Variants in SORBS2 observed in about 807,000 individuals in gnomAD.
The protein encoded by SORBS2 is sorbin and SH3 domain containing 2, also known as sorbin and SH3 domain-containing protein 2.
SORBS2 carries 46 observed loss-of-function variants against 97.7 expected under a neutral mutation model. The observed-to-expected ratio is 0.47, with a 90% CI of 0.37 to 0.60. The LOEUF (loss-of-function observed/expected upper bound fraction) is 0.60, where lower values mean the gene tolerates loss of function less well. Ranked by LOEUF, SORBS2 falls within the 20% of genes least tolerant of loss-of-function variation. The pLI is 0.00. For missense variants in SORBS2, 1,316 were observed against 1,282.3 expected, an observed-to-expected ratio of 1.03 and a Z score of -0.40; for synonymous variants, 476 against 473.4, an observed-to-expected ratio of 1.01 and a Z score of -0.07.
chr4:185,626,330 T>A (rs943807661), intron 6 of SORBS2, among the ~76,000 whole-genome samples: 13 of 152,260 alleles, frequency 8.5e-5, no homozygotes, highest in African/African-American at 2.9e-4. Context: ...GCCCAAAATA[T>A]ACAGCAAATG....
intron 1 of SORBS2, among the ~76,000 whole-genome samples, chr4:185,936,612 T>G (rs1176709193): frequency 2.0e-5 from 3 of 152,230 alleles, no homozygotes; most frequent in Admixed American, 6.5e-5. Flanking sequence ...AGCTGACCCT[T>G]GCCACCATTG....
intron 2 of SORBS2, among the ~76,000 whole-genome samples, chr4:185,707,302 T>A (rs2098358857): frequency 6.6e-6 from 1 of 152,164 alleles, no homozygotes; most frequent in Non-Finnish European, 1.5e-5. Context: ...GCAGTTTGGC[T>A]TCAGAGTTTT....
At chr4:185,828,305 T>G (rs1038001536) in intron 1 of SORBS2, among the ~76,000 whole-genome samples, 2 of 152,080 alleles carry the variant, frequency 1.3e-5, no homozygotes, top group African/African-American at 4.8e-5. Context: ...ACCCACTGCC[T>G]GCAGGCTGCC....
chr4:185,851,211 T>C (rs953599883), intron 1 of SORBS2, among the ~76,000 whole-genome samples: 14 of 152,186 alleles, frequency 9.2e-5, no homozygotes, highest in Admixed American at 9.2e-4. Flanking sequence ...TAGCTTATCT[T>C]TCATATTTTG....
chr4:185,921,362 G>A (rs1177280537), intron 1 of SORBS2, among the ~76,000 whole-genome samples: 6 of 152,124 alleles, frequency 3.9e-5, no homozygotes, highest in South Asian at 2.1e-4. Flanking sequence ...AATCTGTTAC[G>A]GAGTTGCTCA....
chr4:185,624,035 C>A (rs769241026), exon 7 of SORBS2: 19 of 1,614,054 alleles, frequency 1.2e-5, no homozygotes, highest in Non-Finnish European at 4.2e-6. Flanking sequence ...CAGGTCCTTG[C>A]GGTTGATGCG....
chr4:185,591,635 C>T (rs2095938757), intron 13 of SORBS2, among the ~76,000 whole-genome samples: 1 of 152,060 alleles, frequency 6.6e-6, no homozygotes, highest in Non-Finnish European at 1.5e-5. Context: ...GATGGTGGTT[C>T]CTGGGCTGCT....
intron 2 of SORBS2, among the ~76,000 whole-genome samples, chr4:185,736,971 C>T (rs1443055564): frequency 6.6e-6 from 1 of 152,194 alleles, no homozygotes; most frequent in African/African-American, 2.4e-5. Context: ...TTCGAGTTGG[C>T]ATGCCAAGGA....
chr4:185,603,985 G>C (rs563474935), intron 12 of SORBS2, among the ~76,000 whole-genome samples: 1 of 152,116 alleles, frequency 6.6e-6, no homozygotes, highest in Non-Finnish European at 1.5e-5. Context: ...CCTGCCGATC[G>C]GTGGGAAATG....
chr4:185,615,231 G>A (rs2096609835), intron 9 of SORBS2, 72 bp from the exon 22 acceptor site: 2 of 898,014 alleles, frequency 2.2e-6, no homozygotes, highest in Non-Finnish European at 3.7e-6. Context: ...ACCCTCGCTA[G>A]ATCTGCATTT....
At chr4:185,702,406 G>T (rs1313347578) in intron 2 of SORBS2, among the ~76,000 whole-genome samples, 5 of 152,140 alleles carry the variant, frequency 3.3e-5, no homozygotes, top group Non-Finnish European at 5.9e-5. Flanking sequence ...CCCCAGGAAT[G>T]AATAGAGCAA....
chr4:185,827,329 AT>A (rs2099201277), intron 1 of SORBS2, among the ~76,000 whole-genome samples: 1 of 10,548 alleles, frequency 9.5e-5, no homozygotes, highest in African/African-American at 4.4e-4. Context: ...CACCATCATC[AT>A]CATCATCATC....
chr4:185,878,578 C>G (rs1185066028), intron 1 of SORBS2, among the ~76,000 whole-genome samples: 1 of 152,154 alleles, frequency 6.6e-6, no homozygotes, highest in Non-Finnish European at 1.5e-5. Context: ...CTGAATAGAA[C>G]GATCGCCCAT....
chr4:185,647,972 G>A (rs1011364056), intron 3 of SORBS2, among the ~76,000 whole-genome samples: 7 of 152,166 alleles, frequency 4.6e-5, no homozygotes, highest in Non-Finnish European at 8.8e-5. Context: ...ATAACAATTT[G>A]TGTCTAGAAA....
chr4:185,662,370 G>T, intron 4 of SORBS2, 128 bp from the exon 8 acceptor site: 1 of 903,752 alleles, frequency 1.1e-6, no homozygotes. Context: ...TATTTATTTT[G>T]AAAACTGATG....
chr4:185,773,887 C>T (rs894825202), intron 2 of SORBS2: 2 of 151,802 alleles, frequency 1.3e-5, no homozygotes, highest in African/African-American at 4.8e-5. Flanking sequence ...TTTAAGAAAT[C>T]CCTTATCCCT....
intron 1 of SORBS2, among the ~76,000 whole-genome samples, chr4:185,939,148 C>T (rs1283725423): frequency 2.0e-5 from 3 of 152,112 alleles, no homozygotes; most frequent in Non-Finnish European, 4.4e-5. Flanking sequence ...AGTATTCTGA[C>T]AAAAATTACT....
At chr4:185,648,132 T>A (rs2097247223) in intron 3 of SORBS2, among the ~76,000 whole-genome samples, 1 of 151,706 alleles carries the variant, frequency 6.6e-6, no homozygotes, top group Non-Finnish European at 1.5e-5. Context: ...TTTATTTGTT[T>A]TTTTTTTTTA....
At chr4:185,918,258 A>G (rs553359452) in intron 1 of SORBS2, 1 of 152,348 alleles carries the variant, frequency 6.6e-6, no homozygotes, top group South Asian at 2.1e-4. Context: ...CAAATTTGAC[A>G]TGCTATTTGA....
Sources: gnomAD v4.1 joint callset for allele counts (sites outside exome capture counted in the v4.1 genomes callset) on GRCh38, gnomAD v4.1.1 for gene constraint, MANE v1.5 for transcripts, NCBI Gene and HGNC (gene_info 2026-07-23, HGNC 2026-07-21) for gene names.